The following MLLT3 variants were observed in gnomAD, a reference collection of about 807,000 sequenced individuals.
The protein encoded by MLLT3 is protein AF-9.
Under a neutral mutation model 53.2 loss-of-function variants are expected in MLLT3, and 4 were observed. That is an observed-to-expected ratio of 0.08 (90% CI 0.04 to 0.17). The LOEUF (loss-of-function observed/expected upper bound fraction) is 0.17. MLLT3 is among the 10% of genes least tolerant of loss of function. MLLT3 has a pLI of 1.00. For synonymous variants in MLLT3, 283 were observed against 230.6 expected (o/e 1.23, Z -2.06); for missense variants, 569 against 684.0 (o/e 0.83, Z 1.87).
chr9:20,388,452 G>A (rs1822096078), intron 5 of MLLT3, among the ~76,000 whole-genome samples: 1 of 152,074 alleles, frequency 6.6e-6, no homozygotes, highest in African/African-American at 2.4e-5. Flanking sequence ...GACAGGCGTG[G>A]TGGTGGGCGC....
At chr9:20,409,061 A>C (rs937781331) in intron 5 of MLLT3, among the ~76,000 whole-genome samples, 1 of 152,208 alleles carries the variant, frequency 6.6e-6, no homozygotes, top group Non-Finnish European at 1.5e-5. Flanking sequence ...GACATGACTG[A>C]AATCTCTCTT....
At chr9:20,429,649 C>A (rs931831151) in intron 4 of MLLT3, among the ~76,000 whole-genome samples, 1 of 152,152 alleles carries the variant, frequency 6.6e-6, no homozygotes, top group Non-Finnish European at 1.5e-5. Context: ...TCAAGCACTA[C>A]ATTAACAGAT....
At chr9:20,586,824 G>T (rs1819978092) in intron 2 of MLLT3, among the ~76,000 whole-genome samples, 1 of 151,832 alleles carries the variant, frequency 6.6e-6, no homozygotes, top group South Asian at 2.1e-4. Context: ...CAAGTTGGGA[G>T]GAGAAAAAAG....
chr9:20,469,354 T>G (rs2118884862), intron 2 of MLLT3, among the ~76,000 whole-genome samples: 1 of 152,286 alleles, frequency 6.6e-6, no homozygotes, highest in South Asian at 2.1e-4. Context: ...GCATAGCACG[T>G]TATGTAAAAA....
At chr9:20,567,953 C>T (rs1819425042) in intron 2 of MLLT3, among the ~76,000 whole-genome samples, 1 of 152,184 alleles carries the variant, frequency 6.6e-6, no homozygotes, top group African/African-American at 2.4e-5. Context: ...CCGCCACCTA[C>T]AGCTGCCTTC....
At chr9:20,430,858 A>G (rs886604773) in intron 4 of MLLT3, among the ~76,000 whole-genome samples, 6 of 152,108 alleles carry the variant, frequency 3.9e-5, no homozygotes, top group African/African-American at 1.4e-4. Context: ...ATGAACTCCT[A>G]TCTCCAGGAT....
At chr9:20,469,240 G>A (rs944210001) in intron 2 of MLLT3, among the ~76,000 whole-genome samples, 2 of 152,056 alleles carry the variant, frequency 1.3e-5, no homozygotes, top group Non-Finnish European at 2.9e-5. Context: ...ATGAACTCCA[G>A]TATTAAGAAA....
chr9:20,391,319 A>G (rs751755247), intron 5 of MLLT3, among the ~76,000 whole-genome samples: 1 of 152,246 alleles, frequency 6.6e-6, no homozygotes, highest in Non-Finnish European at 1.5e-5. Context: ...GGGAAAAAGA[A>G]GAGAAGGAAA....
intron 4 of MLLT3, among the ~76,000 whole-genome samples, chr9:20,429,545 AG>A (rs199794522): frequency 7.4e-5 from 10 of 134,814 alleles, no homozygotes; most frequent in African/African-American, 3.5e-4. Context: ...ATCCAATTGT[AG>A]GGGGGAAAAA....
chr9:20,407,558 C>A (rs865860375), intron 5 of MLLT3, among the ~76,000 whole-genome samples: 9 of 152,184 alleles, frequency 5.9e-5, no homozygotes, highest in Non-Finnish European at 7.3e-5. Context: ...GCTTTCCCAG[C>A]AGCACTGCCA....
intron 4 of MLLT3, among the ~76,000 whole-genome samples, chr9:20,426,377 T>A (rs1314421340): frequency 6.6e-6 from 1 of 152,174 alleles, no homozygotes; most frequent in Non-Finnish European, 1.5e-5. Context: ...TGATTTCTGA[T>A]AATTAGCCTT....
intron 2 of MLLT3, among the ~76,000 whole-genome samples, chr9:20,582,987 G>A (rs920012129): frequency 6.6e-6 from 1 of 152,050 alleles, no homozygotes; most frequent in African/African-American, 2.4e-5. Flanking sequence ...ACTCATTTCA[G>A]CACTAACCCA....
chr9:20,593,037 T>C (rs1473818491), intron 2 of MLLT3, among the ~76,000 whole-genome samples: 3 of 152,202 alleles, frequency 2.0e-5, no homozygotes, highest in African/African-American at 7.2e-5. Flanking sequence ...GCATTTTTGA[T>C]GACCATGCCC....
At chr9:20,534,033 A>C (rs1818413925) in intron 2 of MLLT3, among the ~76,000 whole-genome samples, 1 of 152,208 alleles carries the variant, frequency 6.6e-6, no homozygotes, top group Admixed American at 6.5e-5. Context: ...ACGTATATCA[A>C]ATCATCAGGC....
chr9:20,527,778 C>T (rs139042134), intron 2 of MLLT3, among the ~76,000 whole-genome samples: 1 of 152,272 alleles, frequency 6.6e-6, no homozygotes, highest in African/African-American at 2.4e-5. Flanking sequence ...AATTGAATAT[C>T]CAAGAGTCAA....
intron 2 of MLLT3, among the ~76,000 whole-genome samples, chr9:20,562,012 T>G (rs1819229024): frequency 6.6e-6 from 1 of 152,140 alleles, no homozygotes; most frequent in Non-Finnish European, 1.5e-5. Context: ...GAGAGAATCC[T>G]AAGCCTAACC....
chr9:20,612,955 G>C (rs1364316249), intron 2 of MLLT3, among the ~76,000 whole-genome samples: 1 of 152,104 alleles, frequency 6.6e-6, no homozygotes, highest in African/African-American at 2.4e-5. Context: ...CCAAACCCTT[G>C]TTCATCTGCA....
chr9:20,388,739 A>C (rs906581672), intron 5 of MLLT3, among the ~76,000 whole-genome samples: 2 of 152,246 alleles, frequency 1.3e-5, no homozygotes, highest in African/African-American at 4.8e-5. Flanking sequence ...CACGAAAGTT[A>C]TATGCCAGCA....
chr9:20,408,638 A>G (rs1323193254), intron 5 of MLLT3, among the ~76,000 whole-genome samples: 1 of 152,082 alleles, frequency 6.6e-6, no homozygotes, highest in Non-Finnish European at 1.5e-5. Flanking sequence ...CTGCTCCCTC[A>G]CCATACTTAC....
Sources: allele counts gnomAD v4.1 joint callset (sites outside exome capture counted in the v4.1 genomes callset), GRCh38; gene constraint gnomAD v4.1.1; transcripts MANE v1.5; gene names NCBI Gene and HGNC (gene_info 2026-07-23, HGNC 2026-07-21).